Variants in TEX9 observed in about 807,000 individuals in gnomAD.
The protein encoded by TEX9 is testis-expressed protein 9.
Under a neutral mutation model 59.6 loss-of-function variants are expected in TEX9, and 74 were observed. The observed-to-expected ratio is 1.24, with a 90% CI of 1.03 to 1.51. The LOEUF (loss-of-function observed/expected upper bound fraction) is 1.51, where lower values mean the gene tolerates loss of function less well. Ranked by LOEUF, TEX9 falls within the 40% of genes most tolerant of loss-of-function variation. The probability of loss-of-function intolerance (pLI) is 0.00; values close to 1 mark genes in which losing one functional copy is unlikely to be tolerated. For synonymous variants in TEX9, 186 were observed against 152.2 expected (o/e 1.22, Z -1.64); for missense variants, 522 against 447.8 (o/e 1.17, Z -1.49).
intron 9 of TEX9, among the ~76,000 whole-genome samples, chr15:56,406,071 C>A (rs554230614): frequency 6.6e-6 from 1 of 152,054 alleles, no homozygotes; most frequent in Non-Finnish European, 1.5e-5. Flanking sequence ...ATTTATATTA[C>A]CCTTCCAGAA....
intron 1 of TEX9, among the ~76,000 whole-genome samples, chr15:56,335,192 CTACACTCTCATGTTTAT>C (rs1567089901): frequency 1.3e-5 from 2 of 152,100 alleles, no homozygotes; most frequent in African/African-American, 4.8e-5. Flanking sequence ...GAACAGGTAT[CTACACTCTCATGTTTAT>C]TGCAGCACTG....
At chr15:56,350,100 T>C (rs1171669502) in intron 1 of TEX9, among the ~76,000 whole-genome samples, 1 of 152,186 alleles carries the variant, frequency 6.6e-6, no homozygotes, top group Non-Finnish European at 1.5e-5. Flanking sequence ...TATGTGTATA[T>C]TTCTTTTTCA....
the TEX9 span, among the ~76,000 whole-genome samples, chr15:56,454,640 T>G: frequency 6.6e-6 from 1 of 152,168 alleles, no homozygotes; most frequent in Admixed American, 6.5e-5. Context: ...AAAGTACTGT[T>G]TTCATTACTT....
chr15:56,253,205 ACT>A (rs1235180192), intron 1 of TEX9, among the ~76,000 whole-genome samples: 9 of 152,116 alleles, frequency 5.9e-5, no homozygotes, highest in African/African-American at 2.2e-4. Context: ...GGACATTCAA[ACT>A]CTGCGTGTTT....
chr15:56,256,738 T>C (rs2044153504), intron 1 of TEX9, among the ~76,000 whole-genome samples: 1 of 152,046 alleles, frequency 6.6e-6, no homozygotes, highest in Admixed American at 6.6e-5. Flanking sequence ...TTGAGGTGAA[T>C]ACTGAATTTA....
intron 1 of TEX9, among the ~76,000 whole-genome samples, chr15:56,338,280 G>C (rs187619327): frequency 1.3e-5 from 2 of 152,260 alleles, no homozygotes; most frequent in Non-Finnish European, 2.9e-5. Context: ...TCTCCTCTTT[G>C]GAAAAATAGT....
intron 1 of TEX9, among the ~76,000 whole-genome samples, chr15:56,329,327 A>G (rs1440310117): frequency 2.0e-5 from 3 of 152,122 alleles, no homozygotes; most frequent in Non-Finnish European, 4.4e-5. Flanking sequence ...AGAAGCCCAG[A>G]CTGTAAATAA....
intron 1 of TEX9, among the ~76,000 whole-genome samples, chr15:56,279,446 C>G (rs1451553429): frequency 6.6e-6 from 1 of 152,198 alleles, no homozygotes; most frequent in Non-Finnish European, 1.5e-5. Flanking sequence ...AAAGCTGGTT[C>G]AAACAAGAAT....
At chr15:56,458,461 A>G in the TEX9 span, among the ~76,000 whole-genome samples, 48 of 152,070 alleles carry the variant, frequency 3.2e-4, 1 homozygote, top group South Asian at 9.6e-3. Context: ...ACTTAAACCT[A>G]TGCATCATTA....
chr15:56,364,694 G>A (rs1390426968), upstream of TEX9, among the ~76,000 whole-genome samples: 1 of 152,126 alleles, frequency 6.6e-6, no homozygotes, highest in Non-Finnish European at 1.5e-5. Context: ...ATCTGTTGAA[G>A]ACAATTATTT....
intron 12 of TEX9, chr15:56,443,746 T>A: frequency 6.2e-7 from 1 of 1,613,398 alleles, no homozygotes. Flanking sequence ...TTCTGTTTTC[T>A]TCTTCCATCT....
At chr15:56,394,429 T>C (rs1269193059) in intron 8 of TEX9, 182 bp downstream of exon 8, 1 of 634,830 alleles carries the variant, frequency 1.6e-6, no homozygotes, top group Non-Finnish European at 2.6e-6. Context: ...CTGAAATATC[T>C]TAAATTCTTG....
intron 1 of TEX9, among the ~76,000 whole-genome samples, chr15:56,250,941 G>A (rs1333193618): frequency 6.6e-6 from 1 of 152,180 alleles, no homozygotes; most frequent in Non-Finnish European, 1.5e-5. Context: ...GAATAGCTGG[G>A]TATGTGTCAA....
rs114756056 is a variant in TEX9 at position 56,301,139 on chromosome 15, G to A, written c.-107+56861G>A. Among the ~76,000 whole-genome samples, 1,230 of 152,200 alleles carry A rather than the reference G, an allele frequency of 8.1e-3. 14 individuals carry two copies. The highest frequency in any genetic ancestry group is 0.027 in the African/African-American group (1,141 of 41,528). On this transcript the variant is annotated intron_variant, in intron 1 of 5. Transcript: ENST00000560827. The stretch of plus-strand genomic sequence containing the variant: ...ATACAGAGAAGGAATTCAGAATTCC[G>A]TCAGGTTAATTTAATGAAGAGATTT...
intron 1 of TEX9, among the ~76,000 whole-genome samples, chr15:56,328,040 C>A (rs1281375715): frequency 6.6e-6 from 1 of 151,996 alleles, no homozygotes; most frequent in African/African-American, 2.4e-5. Flanking sequence ...ACCCCTCCCC[C>A]AACCCCAGGC....
chr15:56,426,562 GTTT>G (rs35594267), intron 10 of TEX9, among the ~76,000 whole-genome samples: 19,905 of 53,858 alleles, frequency 0.37, 3,539 homozygotes, highest in East Asian at 0.57. Flanking sequence ...TTAAAGAGGT[GTTT>G]TTTTTTTTTT....
At chr15:56,298,719 C>G (rs2045272998) in intron 1 of TEX9, among the ~76,000 whole-genome samples, 2 of 152,136 alleles carry the variant, frequency 1.3e-5, no homozygotes. Context: ...CTCTGGTTTA[C>G]CACTCTAATG....
chr15:56,286,719 G>A lies in TEX9; in HGVS notation c.-107+42441G>A, dbSNP rs546296534. On this transcript the variant is annotated intron_variant, in intron 1 of 5. Transcript: ENST00000560827. ...AATTTTCCTGAGCCAGTGCAATGGA[G>A]GCTCAGGATTAGAAAGTTGAAATGT... 1.3e-3 allele frequency among the ~76,000 whole-genome samples: 194 copies of A among 152,288 alleles called. 1 individual carries two copies. The highest frequency in any genetic ancestry group is 4.6e-3 in the African/African-American group (191 of 41,568).
At chr15:56,244,662 A>C (rs982038436) in intron 1 of TEX9, among the ~76,000 whole-genome samples, 4 of 146,138 alleles carry the variant, frequency 2.7e-5, no homozygotes, top group East Asian at 2.0e-4. Context: ...GCATAGCTCA[A>C]GTCGCGGCTT....
Sources: gnomAD v4.1 joint callset for allele counts (sites outside exome capture counted in the v4.1 genomes callset) on GRCh38, gnomAD v4.1.1 for gene constraint, MANE v1.5 for transcripts, NCBI Gene and HGNC (gene_info 2026-07-23, HGNC 2026-07-21) for gene names.